The following SPIRE1 variants were observed in gnomAD, a reference collection of about 807,000 sequenced individuals.
The protein encoded by SPIRE1 is protein spire homolog 1.
A neutral mutation model predicts 94.1 loss-of-function variants in SPIRE1; 40 were observed. That is an observed-to-expected ratio of 0.43 (90% CI 0.33 to 0.55). SPIRE1 has a LOEUF of 0.55. SPIRE1 is among the 20% of genes least tolerant of loss of function. The pLI is 0.06. For missense variants in SPIRE1, 838 were observed against 975.2 expected, an observed-to-expected ratio of 0.86 and a Z score of 1.87; for synonymous variants, 376 against 371.7, an observed-to-expected ratio of 1.01 and a Z score of -0.13.
At chr18:12,552,281 G>T (rs566832433) in intron 2 of SPIRE1, among the ~76,000 whole-genome samples, 2 of 152,248 alleles carry the variant, frequency 1.3e-5, no homozygotes, top group South Asian at 4.1e-4. Context: ...GGACTTGTGG[G>T]GTACATGACC....
chr18:12,540,513 T>C (rs1280074450), intron 3 of SPIRE1, among the ~76,000 whole-genome samples: 3 of 152,130 alleles, frequency 2.0e-5, no homozygotes, highest in African/African-American at 7.2e-5. Context: ...GTAGCTGGGA[T>C]TACAGGCTTG....
rs187886852 is a variant in SPIRE1 at position 12,525,985 on chromosome 18, A to C, written c.729+9491T>G. On this transcript the variant is annotated intron_variant, in intron 4 of 16. Transcript: ENST00000409402. ...TCAGAAACTCACTACCTGGAACACA[A>C]AGGTTTCCAGTAATACATGCTAAAC... is the stretch of plus-strand genomic sequence containing the variant. Among the ~76,000 whole-genome samples the C allele has an allele frequency of 3.0e-4, 46 of 151,128 alleles. 1 individual carries two copies. Among genetic ancestry groups the C allele is most frequent in the African/African-American group, 1.1e-3 (45 of 41,114 alleles).
chr18:12,542,814 G>C (rs2035048083), intron 3 of SPIRE1, among the ~76,000 whole-genome samples: 2 of 152,132 alleles, frequency 1.3e-5, no homozygotes, highest in South Asian at 2.1e-4. Context: ...TATTCATTTA[G>C]ATTTATTTTC....
intron 1 of SPIRE1, among the ~76,000 whole-genome samples, chr18:12,654,352 AAAAAAAAAAT>A (rs1307708706): frequency 1.8e-5 from 2 of 113,046 alleles, no homozygotes; most frequent in South Asian, 5.1e-4. Context: ...AAAAAAAAAA[AAAAAAAAAAT>A]TTGGCTGGGC....
intron 1 of SPIRE1, among the ~76,000 whole-genome samples, chr18:12,642,087 G>A (rs1238673657): frequency 6.6e-6 from 1 of 152,068 alleles, no homozygotes; most frequent in Non-Finnish European, 1.5e-5. Context: ...GCCTCAGCGT[G>A]AATGTTATGG....
chr18:12,606,672 A>T (rs1489302134), intron 2 of SPIRE1, among the ~76,000 whole-genome samples: 2 of 152,070 alleles, frequency 1.3e-5, no homozygotes, highest in Non-Finnish European at 2.9e-5. Flanking sequence ...CTGGGATTAC[A>T]AGCATGCACC....
chr18:12,467,473 G>T (rs1306022374), intron 10 of SPIRE1, among the ~76,000 whole-genome samples: 1 of 152,158 alleles, frequency 6.6e-6, no homozygotes, highest in African/African-American at 2.4e-5. Context: ...GGTCAGACAA[G>T]AAATAAAAGC....
chr18:12,654,541 G>A (rs1477719653), intron 1 of SPIRE1, among the ~76,000 whole-genome samples: 1 of 151,668 alleles, frequency 6.6e-6, no homozygotes, highest in Non-Finnish European at 1.5e-5. Flanking sequence ...CAGCTACTCG[G>A]GAGGCTGAGG....
At chr18:12,477,842 A>G (rs1467733702) in intron 10 of SPIRE1, among the ~76,000 whole-genome samples, 2 of 152,180 alleles carry the variant, frequency 1.3e-5, no homozygotes, top group Admixed American at 6.5e-5. Flanking sequence ...TGGCTGAGGC[A>G]TAAACCAGAG....
At chr18:12,470,930 G>A (rs1472831970) in intron 10 of SPIRE1, among the ~76,000 whole-genome samples, 1 of 151,786 alleles carries the variant, frequency 6.6e-6, no homozygotes. Context: ...CACTGGTGCC[G>A]AATACTGCCA....
At chr18:12,515,904 T>C (rs1457050342) in intron 4 of SPIRE1, among the ~76,000 whole-genome samples, 1 of 152,162 alleles carries the variant, frequency 6.6e-6, no homozygotes, top group East Asian at 1.9e-4. Flanking sequence ...CTCTGCTCAA[T>C]CCTGCTTTCC....
chr18:12,552,713 C>CG (rs36077537), intron 2 of SPIRE1, among the ~76,000 whole-genome samples: 1 of 152,122 alleles, frequency 6.6e-6, no homozygotes, highest in Admixed American at 6.5e-5. Context: ...CACGTACCCC[C>CG]TGCTTGCTCA....
Position 12,448,548 on chromosome 18 carries a change from T to C in SPIRE1, c.*1090A>G, listed in dbSNP as rs1427076518. On this transcript the variant is annotated 3_prime_UTR_variant, in exon 17 of 17. Transcript: ENST00000409402. The surrounding 1 kb of genome is among the most constrained non-coding windows in gnomAD (Gnocchi z 4.4). ...CACTCAAATCATTTACAAGGAAAAC[T>C]AGTGCAGAAAGCACCCCAAAAATGT... The C allele has an allele frequency of 6.6e-6, 1 of 152,218 alleles. No homozygotes were observed. The highest frequency in any genetic ancestry group is 6.5e-5 in the Admixed American group (1 of 15,276). The allele number at this position is 152,218 out of a possible 1,614,324, so 9.4% of individuals were successfully genotyped here. A position where few individuals can be genotyped will look rare whatever the true frequency, so the allele number is the denominator to read the frequency against.
upstream of SPIRE1, chr18:12,658,870 G>T: frequency 3.4e-6 from 1 of 293,172 alleles, no homozygotes; most frequent in South Asian, 2.8e-5. Context: ...TACATAATTT[G>T]CAGGTGTTAG....
At chr18:12,458,597 G>A (rs1416522926) in intron 12 of SPIRE1, among the ~76,000 whole-genome samples, 1 of 152,110 alleles carries the variant, frequency 6.6e-6, no homozygotes, top group Non-Finnish European at 1.5e-5. Context: ...CTGAGTGACA[G>A]AGAGAGACTC....
intron 7 of SPIRE1, among the ~76,000 whole-genome samples, chr18:12,493,886 T>C (rs1312387757): frequency 1.3e-5 from 2 of 152,056 alleles, no homozygotes; most frequent in Non-Finnish European, 2.9e-5. Flanking sequence ...TACTGTTCTT[T>C]TTTTTGTGTT....
intron 2 of SPIRE1, among the ~76,000 whole-genome samples, chr18:12,552,210 C>A (rs1205337050): frequency 6.6e-6 from 1 of 152,206 alleles, no homozygotes; most frequent in Non-Finnish European, 1.5e-5. Context: ...GAAAGGCACT[C>A]TAAGCCACAA....
At position 12,493,111 on chromosome 18, in the gene SPIRE1, G is replaced by T. The variant is rs1453744342; in HGVS notation, c.1150C>A (p.Arg384=). 1.2e-6 allele frequency: 2 copies of T among 1,613,372 alleles called. No individual in the cohort carries two copies. Reference sequence around the variant, plus strand: ...CTAATCTCCTCTGGTGATACAGGCCGCAGCTTTCTTTCTGCTTTAATTTCT... The same window carrying T: ...CTAATCTCCTCTGGTGATACAGGCCTCAGCTTTCTTTCTGCTTTAATTTCT... ...LEEIKAERKL[R]PVSPEEIRRS... The change falls in exon 8 of 17, where the codon CGG becomes AGG. Residue 384 remains arginine, a synonymous_variant. Transcript: ENST00000409402.
At chr18:12,573,096 T>A (rs1040125457) in intron 2 of SPIRE1, among the ~76,000 whole-genome samples, 1 of 152,072 alleles carries the variant, frequency 6.6e-6, no homozygotes. Context: ...AACACATATC[T>A]GATAAAGAAC....
Sources: gnomAD v4.1 joint callset for allele counts (sites outside exome capture counted in the v4.1 genomes callset) on GRCh38, gnomAD v4.1.1 for gene constraint, Gnocchi (gnomAD v3.1) non-coding constraint, MANE v1.5 for transcripts, NCBI Gene and HGNC (gene_info 2026-07-23, HGNC 2026-07-21) for gene names.